Variants in PRKCH observed in about 807,000 individuals in gnomAD.
PRKCH encodes the protein protein kinase C eta type.
In PRKCH, 28 loss-of-function variants were observed where a neutral mutation model predicts 82.5. The ratio of observed to expected loss-of-function variants is 0.34; its 90% CI spans 0.25 to 0.47. PRKCH has a LOEUF of 0.47. Ranked by LOEUF, PRKCH falls within the 20% of genes least tolerant of loss-of-function variation. PRKCH has a pLI of 1.00. For missense variants in PRKCH, 705 were observed against 881.8 expected (o/e 0.80, Z 2.54); for synonymous variants, 322 against 327.4 (o/e 0.98, Z 0.18).
chr14:61,307,048 A>G (rs914003608), intron 1 of PRKCH: 18 of 152,216 alleles, frequency 1.2e-4, no homozygotes, highest in African/African-American at 4.3e-4. Context: ...TTTCAAGACA[A>G]TAAAATCATC....
At chr14:61,374,117 G>A (rs987030732) in intron 1 of PRKCH, among the ~76,000 whole-genome samples, 11 of 152,162 alleles carry the variant, frequency 7.2e-5, no homozygotes, top group Admixed American at 2.6e-4. Flanking sequence ...CCCCATGCAA[G>A]TCCAAAACCC....
At chr14:61,352,658 A>AAG (rs113969377) in intron 1 of PRKCH, among the ~76,000 whole-genome samples, 2,510 of 138,874 alleles carry the variant, frequency 0.018, 103 homozygotes, top group African/African-American at 0.06. Flanking sequence ...GAAAGAAAGA[A>AAG]AGAGAGAGAG....
intron 10 of PRKCH, among the ~76,000 whole-genome samples, chr14:61,496,603 A>G (rs2139941308): frequency 6.6e-6 from 1 of 152,182 alleles, no homozygotes; most frequent in Non-Finnish European, 1.5e-5. Flanking sequence ...TTCCCATGGC[A>G]TCCCGTGAAA....
At chr14:61,459,999 C>G (rs1210106585) in intron 9 of PRKCH, among the ~76,000 whole-genome samples, 1 of 151,948 alleles carries the variant, frequency 6.6e-6, no homozygotes, top group Non-Finnish European at 1.5e-5. Context: ...CACATGCCAC[C>G]ACACCTGGCT....
At chr14:61,491,326 T>C (rs10136208) in intron 10 of PRKCH, among the ~76,000 whole-genome samples, 30,459 of 152,172 alleles carry the variant, frequency 0.2, 3,500 homozygotes, top group African/African-American at 0.32. Flanking sequence ...CTCTCTTGAT[T>C]TGCGTACTGC....
chr14:61,381,123 A>C (rs146434219), intron 1 of PRKCH, among the ~76,000 whole-genome samples: 24 of 152,282 alleles, frequency 1.6e-4, no homozygotes, highest in African/African-American at 5.8e-4. Context: ...TCAGATAGAA[A>C]AGGATTGACA....
chr14:61,367,946 C>G (rs1443079795), intron 1 of PRKCH, among the ~76,000 whole-genome samples: 1 of 151,868 alleles, frequency 6.6e-6, no homozygotes, highest in African/African-American at 2.4e-5. Flanking sequence ...GACCTCCTGA[C>G]CTCGTGATCC....
At chr14:61,449,773 A>G (rs745638998) in intron 5 of PRKCH, among the ~76,000 whole-genome samples, 2 of 152,250 alleles carry the variant, frequency 1.3e-5, no homozygotes, top group Non-Finnish European at 2.9e-5. Flanking sequence ...GATGTGATAC[A>G]TATGTTAATA....
chr14:61,413,447 G>A (rs1202586625), intron 2 of PRKCH, among the ~76,000 whole-genome samples: 1 of 116,908 alleles, frequency 8.6e-6, no homozygotes, highest in Non-Finnish European at 1.6e-5. Flanking sequence ...TATATTCTAA[G>A]CAAGTGGCTT....
intron 1 of PRKCH, among the ~76,000 whole-genome samples, chr14:61,287,640 G>C (rs1405317354): frequency 1.3e-5 from 2 of 152,218 alleles, no homozygotes; most frequent in Non-Finnish European, 2.9e-5. Flanking sequence ...AACCTGGGAG[G>C]TGGAGGTTTC....
At chr14:61,205,636 C>T (rs1323903183) in intron 1 of PRKCH, among the ~76,000 whole-genome samples, 2 of 152,168 alleles carry the variant, frequency 1.3e-5, no homozygotes, top group Admixed American at 1.3e-4. Context: ...TCCCAGGTGT[C>T]TCTCCTCTCT....
intron 1 of PRKCH, among the ~76,000 whole-genome samples, chr14:61,325,972 G>A (rs1399525082): frequency 6.6e-6 from 1 of 152,180 alleles, no homozygotes; most frequent in African/African-American, 2.4e-5. Context: ...GTGTTGGTGA[G>A]GAAGTGGAGC....
intron 1 of PRKCH, among the ~76,000 whole-genome samples, chr14:61,341,306 G>T (rs2045927731): frequency 6.6e-6 from 1 of 152,190 alleles, no homozygotes; most frequent in South Asian, 2.1e-4. Flanking sequence ...TACAATAAAT[G>T]TTGGAGGAGG....
At chr14:61,256,424 G>A (rs1465032184) in intron 1 of PRKCH, among the ~76,000 whole-genome samples, 2 of 152,136 alleles carry the variant, frequency 1.3e-5, no homozygotes, top group African/African-American at 4.8e-5. Flanking sequence ...CCGCCTGTGG[G>A]GTGTGTTCTG....
chr14:61,327,913 T>G (rs990583434), intron 1 of PRKCH, among the ~76,000 whole-genome samples: 3 of 152,252 alleles, frequency 2.0e-5, no homozygotes, highest in Non-Finnish European at 4.4e-5. Flanking sequence ...ATGAACAGTA[T>G]TCCTCTGTTA....
At chr14:61,313,918 T>C (rs1383029595) in intron 1 of PRKCH, among the ~76,000 whole-genome samples, 1 of 152,184 alleles carries the variant, frequency 6.6e-6, no homozygotes, top group East Asian at 1.9e-4. Context: ...CCAAACCACA[T>C]CACGATCCTT....
At chr14:61,237,412 G>A (rs567436677) in intron 1 of PRKCH, among the ~76,000 whole-genome samples, 1 of 152,086 alleles carries the variant, frequency 6.6e-6, no homozygotes, top group Non-Finnish European at 1.5e-5. Context: ...TCTACATTCT[G>A]TAGAGAACTC....
rs186168863 is a variant in PRKCH, at chr14:61,287,064, G to C, written c.-19+99396G>C. Reference sequence around the variant, plus strand: ...CTACTAAAAATACAAAAATTAGCCAGGTGTGGTGGCATGCACCTGTGATCC... The same window carrying C: ...CTACTAAAAATACAAAAATTAGCCACGTGTGGTGGCATGCACCTGTGATCC... On this transcript the variant is annotated intron_variant, in intron 1 of 3. Transcript: ENST00000555185. Among the ~76,000 whole-genome samples the C allele has an allele frequency of 1.8e-3, 271 of 151,836 alleles. 1 individual carries two copies. Among genetic ancestry groups the C allele is most frequent in the African/African-American group, 6.3e-3 (261 of 41,380 alleles).
intron 1 of PRKCH, among the ~76,000 whole-genome samples, chr14:61,270,449 C>G (rs1268320960): frequency 6.6e-6 from 1 of 152,186 alleles, no homozygotes; most frequent in Non-Finnish European, 1.5e-5. Context: ...ACCAAAATTC[C>G]AAGGGGACTT....
Sources: allele counts gnomAD v4.1 joint callset (sites outside exome capture counted in the v4.1 genomes callset), GRCh38; gene constraint gnomAD v4.1.1; transcripts MANE v1.5; gene names NCBI Gene and HGNC (gene_info 2026-07-23, HGNC 2026-07-21).